CDH13: variants seen among roughly 807,000 people sequenced by gnomAD.
The protein encoded by CDH13 is cadherin-13.
Under a neutral mutation model 63.8 loss-of-function variants are expected in CDH13, and 24 were observed. The observed-to-expected ratio is 0.38, with a 90% CI of 0.27 to 0.53. The LOEUF (loss-of-function observed/expected upper bound fraction) is 0.53, where lower values mean the gene tolerates loss of function less well. CDH13 is among the 20% of genes least tolerant of loss of function. CDH13 has a pLI of 0.85. For synonymous variants in CDH13, 503 were observed against 355.3 expected (o/e 1.42, Z -4.67); for missense variants, 1,049 against 903.1 (o/e 1.16, Z -2.07).
intron 4 of CDH13, among the ~76,000 whole-genome samples, chr16:83,145,247 G>A (rs909890139): frequency 3.9e-5 from 6 of 152,128 alleles, no homozygotes; most frequent in Non-Finnish European, 7.3e-5. Context: ...TCGGAGCAGG[G>A]GTGACACCAA....
intron 5 of CDH13, among the ~76,000 whole-genome samples, chr16:83,301,038 T>TC (rs2089727202): frequency 7.3e-6 from 1 of 136,772 alleles, no homozygotes; most frequent in Admixed American, 7.4e-5. Context: ...TTTTTTTTTT[T>TC]TTTTTTTTTT....
chr16:83,487,132 C>G (rs1454874975), intron 7 of CDH13, among the ~76,000 whole-genome samples: 1 of 152,172 alleles, frequency 6.6e-6, no homozygotes, highest in Admixed American at 6.5e-5. Context: ...CTCTCTTCCT[C>G]CATCTCTGTT....
intron 11 of CDH13, among the ~76,000 whole-genome samples, chr16:83,776,301 C>T (rs780118930): frequency 9.9e-5 from 15 of 152,046 alleles, no homozygotes; most frequent in African/African-American, 1.7e-4. Flanking sequence ...TGGATTCTTC[C>T]GAGATATTCA....
intron 5 of CDH13, among the ~76,000 whole-genome samples, chr16:83,334,309 CCT>C (rs1294879421): frequency 6.7e-6 from 1 of 149,814 alleles, no homozygotes; most frequent in African/African-American, 2.5e-5. Flanking sequence ...CTCTCTCCCC[CCT>C]CTCTCCCTAT....
chr16:82,654,663 C>T (rs1013207884), intron 1 of CDH13, among the ~76,000 whole-genome samples: 2 of 152,076 alleles, frequency 1.3e-5, no homozygotes, highest in African/African-American at 4.8e-5. Context: ...GGGCAGACAT[C>T]CTTAGGGGAT....
chr16:83,787,772 G>A (rs1005457559), intron 13 of CDH13, among the ~76,000 whole-genome samples: 1 of 152,260 alleles, frequency 6.6e-6, no homozygotes, highest in Non-Finnish European at 1.5e-5. Flanking sequence ...GCCAAACCCC[G>A]TCTCCACTAA....
intron 1 of CDH13, among the ~76,000 whole-genome samples, chr16:82,731,221 C>A (rs1236407258): frequency 2.0e-5 from 3 of 152,138 alleles, no homozygotes; most frequent in Non-Finnish European, 2.9e-5. Flanking sequence ...GTATCCTAGG[C>A]TTTGTGGGCA....
chr16:83,084,192 A>G (rs990521277), intron 3 of CDH13, among the ~76,000 whole-genome samples: 5 of 152,202 alleles, frequency 3.3e-5, no homozygotes, highest in Non-Finnish European at 7.3e-5. Flanking sequence ...TACACAAAAG[A>G]TTGGAGCCAA....
At chr16:82,960,894 T>C (rs1906875877) in intron 2 of CDH13, among the ~76,000 whole-genome samples, 1 of 152,256 alleles carries the variant, frequency 6.6e-6, no homozygotes, top group African/African-American at 2.4e-5. Context: ...CAAATCTTTT[T>C]TAGTACACGT....
chr16:82,986,952 A>T (rs1395515308), intron 2 of CDH13, among the ~76,000 whole-genome samples: 1 of 152,198 alleles, frequency 6.6e-6, no homozygotes, highest in Non-Finnish European at 1.5e-5. Flanking sequence ...AACAGAAAAC[A>T]TGTGAGGAAA....
At chr16:83,329,337 C>T (rs1375567310) in intron 5 of CDH13, among the ~76,000 whole-genome samples, 1 of 152,082 alleles carries the variant, frequency 6.6e-6, no homozygotes, top group Non-Finnish European at 1.5e-5. Flanking sequence ...GTGATTCTCC[C>T]ACCTCAGCCT....
intron 5 of CDH13, among the ~76,000 whole-genome samples, chr16:83,279,870 T>C (rs1216853984): frequency 1.3e-5 from 2 of 151,868 alleles, no homozygotes; most frequent in East Asian, 3.9e-4. Context: ...CCAGTACATA[T>C]AGAAGCTCCA....
chr16:82,850,226 T>TGG (rs35538485), intron 1 of CDH13, among the ~76,000 whole-genome samples: 9 of 151,892 alleles, frequency 5.9e-5, no homozygotes, highest in African/African-American at 1.9e-4. Context: ...TTGTGATTCA[T>TGG]GGGGGGTGGT....
chr16:82,656,058 GGAACTCT>G (rs1911257977), intron 1 of CDH13, among the ~76,000 whole-genome samples: 3 of 152,184 alleles, frequency 2.0e-5, no homozygotes, highest in South Asian at 2.1e-4. Flanking sequence ...TCTAGCAAAA[GGAACTCT>G]GATTTCGATT....
intron 4 of CDH13, among the ~76,000 whole-genome samples, chr16:83,193,607 C>A (rs542745613): frequency 6.6e-6 from 1 of 152,308 alleles, no homozygotes; most frequent in African/African-American, 2.4e-5. Flanking sequence ...TTCATTTGTG[C>A]AAGAGTCAAG....
chr16:83,017,318 T>C (rs1914903996), intron 2 of CDH13, among the ~76,000 whole-genome samples: 2 of 152,204 alleles, frequency 1.3e-5, no homozygotes, highest in African/African-American at 4.8e-5. Context: ...CAATTCCATT[T>C]TGACACCTTT....
chr16:82,685,684 A>T (rs986709780), intron 1 of CDH13, among the ~76,000 whole-genome samples: 7 of 152,124 alleles, frequency 4.6e-5, no homozygotes, highest in Non-Finnish European at 7.4e-5. Context: ...GCAGTCTGTG[A>T]GGGGGCCAGC....
At chr16:82,797,619 C>T (rs2036646933) in intron 1 of CDH13, among the ~76,000 whole-genome samples, 1 of 152,116 alleles carries the variant, frequency 6.6e-6, no homozygotes, top group Non-Finnish European at 1.5e-5. Context: ...TCCATGCAAA[C>T]ACATGTTGAT....
chr16:83,210,301 G>T lies in CDH13; in HGVS notation c.484-7044G>T, dbSNP rs185061087. On this transcript the variant is annotated intron_variant, in intron 4 of 13. Coordinates refer to ENST00000567109, the MANE Select transcript of CDH13 (RefSeq NM_001257.5). ...GCTGGTCTTGAACTCCTGACCTCAG[G>T]TGATCCACCTTCCTCAACCTCCCAA... Among the ~76,000 whole-genome samples, 46 of 152,010 alleles carry T rather than the reference G, an allele frequency of 3.0e-4. No homozygotes were observed. The East Asian group carries it at 7.8e-3, about 26-fold the overall frequency.
Sources: gnomAD v4.1 joint callset for allele counts (sites outside exome capture counted in the v4.1 genomes callset) on GRCh38, gnomAD v4.1.1 for gene constraint, MANE v1.5 for transcripts, NCBI Gene and HGNC (gene_info 2026-07-23, HGNC 2026-07-21) for gene names.